The following GLIS1 variants were observed in gnomAD, a reference collection of about 807,000 sequenced individuals.
GLIS1 encodes the protein zinc finger protein GLIS1.
In GLIS1, 24 loss-of-function variants were observed where a neutral mutation model predicts 63.8. That is an observed-to-expected ratio of 0.38 (90% CI 0.27 to 0.53). The LOEUF is 0.53. Among genes scored for constraint, GLIS1 ranks in the 20% least tolerant of loss-of-function variants. GLIS1 has a pLI of 0.85. For synonymous variants in GLIS1, 450 were observed against 482.5 expected (o/e 0.93, Z 0.88); for missense variants, 1,036 against 1,074.1 (o/e 0.96, Z 0.50).
At chr1:53,702,689 C>T (rs1646536663) in intron 2 of GLIS1, among the ~76,000 whole-genome samples, 1 of 152,228 alleles carries the variant, frequency 6.6e-6, no homozygotes, top group Non-Finnish European at 1.5e-5. Context: ...GAAATTCAAC[C>T]CAGCCCAATT....
intron 4 of GLIS1, among the ~76,000 whole-genome samples, chr1:53,536,764 C>A (rs1644585330): frequency 1.3e-5 from 2 of 152,146 alleles, no homozygotes; most frequent in South Asian, 4.1e-4. Context: ...AGGTTCCATT[C>A]CTGGGGCAAG....
chr1:53,557,760 T>C (rs987319545), intron 4 of GLIS1, among the ~76,000 whole-genome samples: 5 of 152,242 alleles, frequency 3.3e-5, no homozygotes, highest in Non-Finnish European at 5.9e-5. Flanking sequence ...TGGGTAAATA[T>C]ATATCTTCTT....
At chr1:53,613,843 T>C (rs545461710) in intron 2 of GLIS1, among the ~76,000 whole-genome samples, 1 of 152,312 alleles carries the variant, frequency 6.6e-6, no homozygotes, top group Admixed American at 6.5e-5. Flanking sequence ...CACTGCCCCA[T>C]TTGTAAAGAG....
intron 4 of GLIS1, among the ~76,000 whole-genome samples, chr1:53,567,496 A>C (rs1644945380): frequency 6.6e-6 from 1 of 152,384 alleles, no homozygotes; most frequent in African/African-American, 2.4e-5. Context: ...GAGAAATTCA[A>C]GTCAGCTGCA....
chr1:53,718,552 T>C (rs1273536993), intron 2 of GLIS1, among the ~76,000 whole-genome samples: 7 of 152,310 alleles, frequency 4.6e-5, no homozygotes, highest in African/African-American at 1.7e-4. Flanking sequence ...GTGCATGACT[T>C]GATTTGACAT....
chr1:53,557,484 G>T (rs1452582584), intron 4 of GLIS1, among the ~76,000 whole-genome samples: 1 of 152,174 alleles, frequency 6.6e-6, no homozygotes, highest in African/African-American at 2.4e-5. Flanking sequence ...ATGTAAGGAG[G>T]TGAGGAAGTG....
chr1:53,511,476 C>T lies in GLIS1; in HGVS notation c.1884-1449G>A, dbSNP rs1644297325. Among the ~76,000 whole-genome samples, 1 of 152,188 alleles carries T rather than the reference C, an allele frequency of 6.6e-6. No individual in the cohort carries two copies. Among genetic ancestry groups the T allele is most frequent in the African/African-American group, 2.4e-5 (1 of 41,440 alleles). On this transcript the variant is annotated intron_variant, in intron 8 of 10. Coordinates refer to ENST00000628545, the MANE Select transcript of GLIS1 (RefSeq NM_001367484.1). This position sits in a 1 kb window ranked among gnomAD's most constrained non-coding sequence, Gnocchi z 4.2. ...CTCCACTGCCCCTCCAGTCTGCTGT[C>T]ATCATCCACACGTGTGGGGCCCCCG...
Position 53,506,388 on chromosome 1 carries a change from T to C in GLIS1, c.*231A>G, listed in dbSNP as rs1008180636. ...GAACGGGAAGACAAGATCGAGGGAA[T>C]GTTACAGGGCCACAGATCCTGGCGG... On this transcript the variant is annotated 3_prime_UTR_variant, in exon 11 of 11. Transcript: ENST00000628545. The C allele has an allele frequency of 9.7e-6, 5 of 516,918 alleles. No homozygotes were observed. The highest frequency in any genetic ancestry group is 7.6e-5 in the African/African-American group (4 of 52,768). The allele number at this position is 516,918 out of a possible 1,614,324, so 32.0% of individuals were successfully genotyped here.
chr1:53,683,710 C>T (rs1379590863), intron 2 of GLIS1, among the ~76,000 whole-genome samples: 3 of 152,250 alleles, frequency 2.0e-5, no homozygotes, highest in South Asian at 2.1e-4. Flanking sequence ...CCGGTAAATG[C>T]TTGTCAGGAA....
rs895641255 is a variant in GLIS1 at position 53,635,684 on chromosome 1, A to G, written c.260-35406T>C. 2.6e-5 allele frequency among the ~76,000 whole-genome samples: 4 copies of G among 152,234 alleles called. No individual in the cohort carries two copies. In the South Asian group the frequency reaches 8.3e-4, roughly 31 times the overall value. On this transcript the variant is annotated intron_variant, in intron 2 of 10. Coordinates refer to ENST00000628545, the MANE Select transcript of GLIS1 (RefSeq NM_001367484.1). ...AAGCTGGTTTTTTGAAAAGATGAAT[A>G]AAATCAGCTCTTGAACTACTGACAA...
chr1:53,526,528 C>G lies in GLIS1; in HGVS notation c.1483-1641G>C, dbSNP rs1296389420. On this transcript the variant is annotated intron_variant, in intron 5 of 10. Coordinates refer to ENST00000628545, the MANE Select transcript of GLIS1 (RefSeq NM_001367484.1). The surrounding 1 kb of genome is among the most constrained non-coding windows in gnomAD (Gnocchi z 4.4). ...TAGGCTCCCTCTCTCACACACCATA[C>G]ACACACACACACACACACACACACA... 7.4e-6 allele frequency among the ~76,000 whole-genome samples: 1 copy of G among 136,034 alleles called. No individual in the cohort carries two copies. Among genetic ancestry groups the G allele is most frequent in the Non-Finnish European group, 1.7e-5 (1 of 59,114 alleles). The allele number at this position is 136,034 out of a possible 152,430, so 89.2% of individuals were successfully genotyped here. A position where few individuals can be genotyped will look rare whatever the true frequency, so the allele number is the denominator to read the frequency against.
At chr1:53,547,961 A>G (rs1644721305) in intron 4 of GLIS1, among the ~76,000 whole-genome samples, 1 of 152,250 alleles carries the variant, frequency 6.6e-6, no homozygotes, top group African/African-American at 2.4e-5. Context: ...TGTGTTTTAC[A>G]TGTTTTCTGC....
chr1:53,594,021 T>A, intron 4 of GLIS1, 87 bp downstream of exon 4: 1 of 1,418,948 alleles, frequency 7.0e-7, no homozygotes, highest in East Asian at 2.4e-5. Context: ...GAGGACGGAG[T>A]CCCAGGCGGC....
At chr1:53,717,613 T>C (rs1646713910) in intron 2 of GLIS1, among the ~76,000 whole-genome samples, 1 of 152,156 alleles carries the variant, frequency 6.6e-6, no homozygotes, top group African/African-American at 2.4e-5. Flanking sequence ...ATCCTGCAGA[T>C]CCTCTGTCTC....
chr1:53,732,241 G>A (rs1285686374), intron 2 of GLIS1, among the ~76,000 whole-genome samples: 1 of 152,216 alleles, frequency 6.6e-6, no homozygotes, highest in Non-Finnish European at 1.5e-5. Flanking sequence ...GGGAAAAAGG[G>A]CAAAAGAAGA....
At chr1:53,603,711 C>T (rs536214665) in intron 2 of GLIS1, among the ~76,000 whole-genome samples, 1 of 152,350 alleles carries the variant, frequency 6.6e-6, no homozygotes, top group Admixed American at 6.5e-5. Flanking sequence ...AAGAGGTTGG[C>T]ACCCGCAACC....
At chr1:53,714,573 C>A (rs138522373) in intron 2 of GLIS1, among the ~76,000 whole-genome samples, 1 of 152,202 alleles carries the variant, frequency 6.6e-6, no homozygotes. Flanking sequence ...AAGATGGTCC[C>A]CATCTTTTCC....
chr1:53,697,506 C>T (rs1295689843), intron 2 of GLIS1, among the ~76,000 whole-genome samples: 9 of 152,188 alleles, frequency 5.9e-5, no homozygotes, highest in Non-Finnish European at 1.3e-4. Flanking sequence ...CTCCCCTTAC[C>T]CAGGCTGTGA....
intron 2 of GLIS1, among the ~76,000 whole-genome samples, chr1:53,623,403 A>G (rs917118004): frequency 6.6e-6 from 1 of 152,236 alleles, no homozygotes; most frequent in Non-Finnish European, 1.5e-5. Context: ...AAAATAATAA[A>G]GTATATCAAT....
Sources: allele counts gnomAD v4.1 joint callset (sites outside exome capture counted in the v4.1 genomes callset), GRCh38; gene constraint gnomAD v4.1.1; non-coding constraint Gnocchi (gnomAD v3.1); transcripts MANE v1.5; gene names NCBI Gene and HGNC (gene_info 2026-07-23, HGNC 2026-07-21).